The following SLC25A12 variants were observed in gnomAD, a reference collection of about 807,000 sequenced individuals.
SLC25A12 encodes solute carrier family 25 member 12, also known as electrogenic aspartate/glutamate antiporter SLC25A12, mitochondrial.
In SLC25A12, 32 loss-of-function variants were observed where a neutral mutation model predicts 83.3. That is an observed-to-expected ratio of 0.38 (90% confidence interval 0.29 to 0.52). The LOEUF (loss-of-function observed/expected upper bound fraction) is 0.52. SLC25A12 is among the 20% of genes least tolerant of loss of function. The pLI is 0.84. For synonymous variants in SLC25A12, 267 were observed against 291.1 expected (o/e 0.92, Z 0.84); for missense variants, 611 against 835.6 (o/e 0.73, Z 3.31).
chr2:171,806,344 A>G (rs1683829431), intron 13 of SLC25A12, among the ~76,000 whole-genome samples: 1 of 152,204 alleles, frequency 6.6e-6, no homozygotes, highest in Non-Finnish European at 1.5e-5. Context: ...AATCTCAGCT[A>G]CTAGGGAGGC....
chr2:171,811,262 T>C (rs961679937), intron 11 of SLC25A12, among the ~76,000 whole-genome samples: 1 of 152,188 alleles, frequency 6.6e-6, no homozygotes, highest in Non-Finnish European at 1.5e-5. Context: ...ATCATACATA[T>C]AGGCTACTGT....
At chr2:171,806,934 C>T (rs1574686020) in intron 13 of SLC25A12, among the ~76,000 whole-genome samples, 2 of 152,286 alleles carry the variant, frequency 1.3e-5, no homozygotes, top group East Asian at 3.9e-4. Flanking sequence ...AATCTGGTGG[C>T]TGTTTGCCAG....
intron 4 of SLC25A12, chr2:171,852,759 T>G (rs1483795313): frequency 1.9e-5 from 8 of 427,524 alleles, no homozygotes; most frequent in South Asian, 1.2e-4. Flanking sequence ...TGGCTTGAAA[T>G]AAGCAGTGCC....
intron 14 of SLC25A12, 92 bp from the exon 15 acceptor site, chr2:171,791,681 T>G: frequency 8.0e-7 from 1 of 1,246,074 alleles, no homozygotes; most frequent in Non-Finnish European, 1.2e-6. Context: ...GTGACAAGCT[T>G]GAGGTGTCCC....
chr2:171,890,477 C>CTGTGTGTGTGTGTGTGTGTGTGTGTG (rs34728188), intron 2 of SLC25A12, among the ~76,000 whole-genome samples: 1 of 149,206 alleles, frequency 6.7e-6, no homozygotes, highest in Admixed American at 6.7e-5. Flanking sequence ...TCGTGTGTGT[C>CTGTGTGTGTGTGTGTGTGTGTGTGTG]TGTGTGTGTG....
Position 171,813,404 on chromosome 2 carries a change from T to C in SLC25A12, c.1106A>G (p.Tyr369Cys). Reference sequence around the variant, plus strand: ...CTTAAAACAGTCAAAGCTGTTTTTGTACATTAGCTCCCCAACAACAGAGCC... The same window carrying C: ...CTTAAAACAGTCAAAGCTGTTTTTGCACATTAGCTCCCCAACAACAGAGCC... Reference protein sequence around the residue: ...GSGSVVGELMYKNSFDCFKKV... With the variant: ...GSGSVVGELMCKNSFDCFKKV... The change falls in exon 11 of 18, where the codon TAC (tyrosine) becomes TGC (cysteine). Residue 369 changes from tyrosine (Y) to cysteine (C), a missense_variant. Coordinates refer to ENST00000422440, the MANE Select transcript of SLC25A12 (RefSeq NM_003705.5). 6.2e-7 allele frequency: 1 copy of C among 1,614,122 alleles called. No individual in the cohort carries two copies. Among genetic ancestry groups the C allele is most frequent in the Non-Finnish European group, 8.5e-7 (1 of 1,179,988 alleles).
chr2:171,875,501 G>GGAGAGA (rs944448615), intron 2 of SLC25A12, among the ~76,000 whole-genome samples: 1 of 152,060 alleles, frequency 6.6e-6, no homozygotes, highest in Non-Finnish European at 1.5e-5. Context: ...ATTAGAGCGG[G>GGAGAGA]GAGAGAGAGA....
chr2:171,811,472 C>T (rs1177101465), intron 11 of SLC25A12, among the ~76,000 whole-genome samples: 1 of 152,164 alleles, frequency 6.6e-6, no homozygotes, highest in African/African-American at 2.4e-5. Flanking sequence ...CTCAATAAGG[C>T]TCATGGAATT....
intron 17 of SLC25A12, 36 bp from the exon 18 acceptor site, chr2:171,785,511 C>G: frequency 6.3e-7 from 1 of 1,592,144 alleles, no homozygotes; most frequent in South Asian, 1.1e-5. Flanking sequence ...TTAGCATGCT[C>G]AAGGTGGATG....
At chr2:171,848,449 T>C (rs929310035) in intron 4 of SLC25A12, among the ~76,000 whole-genome samples, 1 of 152,212 alleles carries the variant, frequency 6.6e-6, no homozygotes, top group Non-Finnish European at 1.5e-5. Flanking sequence ...GAATTTCACC[T>C]GCACAGTTCT....
chr2:171,827,894 G>A (rs919836959), intron 8 of SLC25A12, among the ~76,000 whole-genome samples: 5 of 151,148 alleles, frequency 3.3e-5, no homozygotes, highest in African/African-American at 9.7e-5. Context: ...CTTCATTTGC[G>A]GGCACAGGCT....
intron 4 of SLC25A12, among the ~76,000 whole-genome samples, chr2:171,847,495 A>T (rs1684824537): frequency 6.6e-6 from 1 of 152,218 alleles, no homozygotes; most frequent in Non-Finnish European, 1.5e-5. Flanking sequence ...AATAGTCTCA[A>T]ATATACCAAA....
At chr2:171,881,710 T>C (rs1401954637) in intron 2 of SLC25A12, among the ~76,000 whole-genome samples, 1 of 152,164 alleles carries the variant, frequency 6.6e-6, no homozygotes, top group African/African-American at 2.4e-5. Flanking sequence ...TATGAGTCCT[T>C]TAAAAACAGG....
intron 9 of SLC25A12, among the ~76,000 whole-genome samples, chr2:171,825,691 T>G (rs1453107176): frequency 3.9e-5 from 6 of 152,164 alleles, no homozygotes; most frequent in African/African-American, 1.4e-4. Flanking sequence ...CCATGTCTAT[T>G]AGAGCAGGAA....
In SLC25A12 at chr2:171,837,166, A is replaced by C; in HGVS notation, c.567T>G (p.Ile189Met). 6.2e-7 allele frequency: 1 copy of C among 1,614,020 alleles called. No homozygotes were observed. The highest frequency in any genetic ancestry group is 8.5e-7 in the Non-Finnish European group (1 of 1,179,892). Reference sequence around the variant, plus strand: ...CAAAAGGAGTAAGCATGTGAGATCTAATGGTAACCATGATGTCACTGAAAT... The same window carrying C: ...CAAAAGGAGTAAGCATGTGAGATCTCATGGTAACCATGATGTCACTGAAAT... ...GLDFSDIMVT[I>M]RSHMLTPFVE... The change falls in exon 6 of 18, where the codon ATT becomes ATG. Residue 189 changes from isoleucine (I) to methionine (M), a missense_variant. Ile to Met is a conservative substitution (Grantham distance 10, BLOSUM62 1). Coordinates refer to ENST00000422440, the MANE Select transcript of SLC25A12 (RefSeq NM_003705.5).
intron 2 of SLC25A12, among the ~76,000 whole-genome samples, chr2:171,876,353 C>T (rs1685570506): frequency 6.6e-6 from 1 of 152,210 alleles, no homozygotes; most frequent in African/African-American, 2.4e-5. Context: ...GAGACAATTA[C>T]TTGGCAATGT....
Position 171,791,486 on chromosome 2 carries a change from C to T in SLC25A12, c.1550G>A (p.Gly517Glu). ...LLLADENGHV[G>E]GLNLLAAGAM... ...TCCAGCTGCAAGAAGATTTAAACCTCCCACGTGTCCATTTTCATCAGCCAG... is the reference window on the plus strand; with the variant it reads ...TCCAGCTGCAAGAAGATTTAAACCTTCCACGTGTCCATTTTCATCAGCCAG... Residue 517 changes from glycine to glutamate, a missense_variant, in exon 15 of 18, where the codon GGA (glycine) becomes GAA (glutamate). Gly to Glu is a moderately conservative substitution (Grantham distance 98). Coordinates refer to ENST00000422440, the MANE Select transcript of SLC25A12 (RefSeq NM_003705.5). 1 of 1,614,072 alleles carries T rather than the reference C, an allele frequency of 6.2e-7. No individual in the cohort carries two copies. The highest frequency in any genetic ancestry group is 2.2e-5 in the East Asian group (1 of 44,882).
chr2:171,878,198 GAC>G (rs1472977244), intron 2 of SLC25A12, among the ~76,000 whole-genome samples: 2 of 152,206 alleles, frequency 1.3e-5, no homozygotes, highest in Admixed American at 6.5e-5. Flanking sequence ...TGGCACGACG[GAC>G]ACTAAAACTG....
rs1016594248 is a variant in SLC25A12 at position 171,813,581 on chromosome 2, A to T, written c.1013-84T>A. 13 of 1,422,176 alleles carry T rather than the reference A, an allele frequency of 9.1e-6. No homozygotes were observed. In the African/African-American group the frequency reaches 1.5e-4, roughly 17 times the overall value. The allele number at this position is 1,422,176 out of a possible 1,614,324, so 88.1% of individuals were successfully genotyped here. On this transcript the variant is annotated intron_variant, in intron 10 of 17. Transcript: ENST00000422440. Reference sequence around the variant, plus strand: ...AGGATGACAAATCTTATCTTAAAGGATGAGAAAATAAAACACAACATGTAT... The same window carrying T: ...AGGATGACAAATCTTATCTTAAAGGTTGAGAAAATAAAACACAACATGTAT...
Sources: allele counts gnomAD v4.1 joint callset (sites outside exome capture counted in the v4.1 genomes callset), GRCh38; gene constraint gnomAD v4.1.1; transcripts MANE v1.5; gene names NCBI Gene and HGNC (gene_info 2026-07-23, HGNC 2026-07-21).